ARMC2: variants seen among roughly 807,000 people sequenced by gnomAD.
ARMC2 encodes the protein armadillo repeat-containing protein 2.
In ARMC2, 67 loss-of-function variants were observed where a neutral mutation model predicts 90.3. The ratio of observed to expected loss-of-function variants is 0.74; its 90% CI spans 0.61 to 0.91. The LOEUF is 0.91. ARMC2 is among the 40% of genes least tolerant of loss of function. The pLI, the probability that ARMC2 is intolerant of heterozygous loss-of-function variation, is 0.00. For missense variants in ARMC2, 920 were observed against 1,030.9 expected (o/e 0.89, Z 1.47); for synonymous variants, 393 against 393.0 (o/e 1.00, Z 0.00).
At chr6:108,992,045 A>C in the ARMC2 span, among the ~76,000 whole-genome samples, 2 of 152,080 alleles carry the variant, frequency 1.3e-5, no homozygotes, top group East Asian at 3.9e-4. Flanking sequence ...TCAATTTCTA[A>C]TCTATTGCAT....
chr6:108,975,789 A>G (rs1406019276), downstream of ARMC2, among the ~76,000 whole-genome samples: 1 of 152,168 alleles, frequency 6.6e-6, no homozygotes, highest in African/African-American at 2.4e-5. Context: ...TGTTGGCTGC[A>G]TAAATGTCTT....
intron 7 of ARMC2, among the ~76,000 whole-genome samples, chr6:108,902,318 T>G (rs1562369757): frequency 6.6e-6 from 1 of 152,246 alleles, no homozygotes; most frequent in Non-Finnish European, 1.5e-5. Context: ...CTTGAGCCTT[T>G]CTTTCTAACC....
rs373214594 is a variant in ARMC2, at chr6:108,899,681, A to G, written c.749-13A>G. The G allele has an allele frequency of 4.9e-5, 79 of 1,607,534 alleles. No individual in the cohort carries two copies. The highest frequency in any genetic ancestry group is 6.0e-5 in the Non-Finnish European group (70 of 1,175,120). ...TTCATAGCTTTTTCTCCTGCTCTGG[A>G]TTTCTTTTGCAGTCCCAAAAGCTGA... On this transcript the variant is annotated splice_polypyrimidine_tract_variant and intron_variant, in intron 6 of 17. Coordinates refer to ENST00000392644, the MANE Select transcript of ARMC2 (RefSeq NM_032131.6).
the ARMC2 span, chr6:109,009,095 C>A: frequency 1.3e-6 from 1 of 791,930 alleles, no homozygotes; most frequent in Non-Finnish European, 1.7e-6. Flanking sequence ...CGGCCGCAGT[C>A]TCTCCCAGCT....
chr6:108,865,063 A>C (rs565097923), intron 3 of ARMC2, among the ~76,000 whole-genome samples: 1 of 149,970 alleles, frequency 6.7e-6, no homozygotes, highest in African/African-American at 2.5e-5. Flanking sequence ...CAGTGGTGCA[A>C]CCTCCACCTC....
At chr6:108,914,420 G>A (rs909573086) in intron 10 of ARMC2, among the ~76,000 whole-genome samples, 1 of 152,018 alleles carries the variant, frequency 6.6e-6, no homozygotes, top group Non-Finnish European at 1.5e-5. Flanking sequence ...TCTAGGGGGC[G>A]CTGTAGAAGT....
rs200114126 is a variant in ARMC2, at chr6:108,964,255, A to G, written c.2228A>G (p.Asn743Ser). The G allele has an allele frequency of 1.4e-5, 23 of 1,613,934 alleles. No homozygotes were observed. Among genetic ancestry groups the G allele is most frequent in the Admixed American group, 3.3e-5 (2 of 60,012 alleles). ...ICFSACGVLL[N>S]LTVDKDKRVI... ...TTTTCTGCCTGTGGTGTTCTCCTCAATCTCACTGTGGATAAAGACAAGCGT... is the reference window on the plus strand; with the variant it reads ...TTTTCTGCCTGTGGTGTTCTCCTCAGTCTCACTGTGGATAAAGACAAGCGT... Residue 743 changes from asparagine (N) to serine (S), a missense_variant, in exon 16 of 18, where the codon AAT becomes AGT. Transcript: ENST00000392644.
chr6:109,052,623 A>T, the ARMC2 span, among the ~76,000 whole-genome samples: 1 of 152,220 alleles, frequency 6.6e-6, no homozygotes, highest in Non-Finnish European at 1.5e-5. Context: ...ATATTTAAAC[A>T]TTCCAAAAGG....
At chr6:108,897,273 A>G (rs745533530) in intron 6 of ARMC2, among the ~76,000 whole-genome samples, 4 of 152,230 alleles carry the variant, frequency 2.6e-5, no homozygotes, top group South Asian at 2.1e-4. Context: ...TGTGTATACC[A>G]TATTGACTTT....
At chr6:109,017,364 C>A in the ARMC2 span, among the ~76,000 whole-genome samples, 3 of 152,282 alleles carry the variant, frequency 2.0e-5, no homozygotes, top group African/African-American at 7.2e-5. Flanking sequence ...TGGCTCACTG[C>A]AAGCTCCACT....
At chr6:108,953,923 G>A (rs752142968) in intron 13 of ARMC2, among the ~76,000 whole-genome samples, 5 of 152,122 alleles carry the variant, frequency 3.3e-5, no homozygotes, top group Non-Finnish European at 5.9e-5. Context: ...TATGCTTCTG[G>A]AGGCTGAGAA....
intron 4 of ARMC2, among the ~76,000 whole-genome samples, chr6:108,874,140 A>C (rs769126619): frequency 1.5e-4 from 23 of 152,212 alleles, no homozygotes; most frequent in Non-Finnish European, 1.3e-4. Flanking sequence ...CCATAGTTAC[A>C]CATGCTCAGT....
the ARMC2 span, chr6:108,992,723 T>C: frequency 9.6e-7 from 1 of 1,042,902 alleles, no homozygotes; most frequent in East Asian, 2.4e-5. Flanking sequence ...AAGTGGCTGT[T>C]TTGTATTTTA....
At chr6:108,913,977 T>A (rs9400253) in intron 10 of ARMC2, among the ~76,000 whole-genome samples, 5,642 of 152,330 alleles carry the variant, frequency 0.037, 234 homozygotes, top group East Asian at 0.2. Context: ...TGCATAATAT[T>A]CTGTGATTAG....
the ARMC2 span, chr6:108,987,730 C>T: frequency 1.5e-6 from 1 of 659,028 alleles, no homozygotes; most frequent in East Asian, 2.7e-5. Context: ...ACACTTCCTA[C>T]ACTTCCTATG....
intron 5 of ARMC2, among the ~76,000 whole-genome samples, chr6:108,885,935 AT>A (rs1420958135): frequency 2.6e-5 from 4 of 152,210 alleles, no homozygotes; most frequent in African/African-American, 9.7e-5. Context: ...TCTTTTACCT[AT>A]TGTCCATGGC....
intron 4 of ARMC2, among the ~76,000 whole-genome samples, chr6:108,872,864 A>G (rs1776564292): frequency 6.6e-6 from 1 of 152,248 alleles, no homozygotes; most frequent in Admixed American, 6.5e-5. Context: ...AAAAGGGTTC[A>G]GTGCTCAAAT....
intron 15 of ARMC2, 139 bp downstream of exon 15, chr6:108,962,266 C>A: frequency 1.4e-6 from 1 of 731,788 alleles, no homozygotes; most frequent in Non-Finnish European, 2.3e-6. Flanking sequence ...AGGCTCCTGG[C>A]TCAGGATGCC....
rs116780482 is a variant in ARMC2, at chr6:108,946,420, C to T, written c.1597-6613C>T. Among the ~76,000 whole-genome samples, 1,081 of 152,302 alleles carry T rather than the reference C, an allele frequency of 7.1e-3. 21 individuals are homozygous for T. Among genetic ancestry groups the T allele is most frequent in the African/African-American group, 0.025 (1,047 of 41,548 alleles). On this transcript the variant is annotated intron_variant, in intron 12 of 17. Transcript: ENST00000392644. The stretch of plus-strand genomic sequence containing the variant: ...TTCTTCGATTTTATCTAGTTAAACA[C>T]GTAGGCAAACTCTTGACCCACTTTC...
Sources: allele counts gnomAD v4.1 joint callset (sites outside exome capture counted in the v4.1 genomes callset), GRCh38; gene constraint gnomAD v4.1.1; transcripts MANE v1.5; gene names NCBI Gene and HGNC (gene_info 2026-07-23, HGNC 2026-07-21).